SV2B: variants seen among roughly 807,000 people sequenced by gnomAD.
SV2B encodes the protein synaptic vesicle glycoprotein 2B, also known as solute carrier family 22 member B2.
A neutral mutation model predicts 73.9 loss-of-function variants in SV2B; 41 were observed. The observed-to-expected ratio is 0.56, with a 90% CI of 0.43 to 0.72. The LOEUF (loss-of-function observed/expected upper bound fraction) is 0.72. SV2B is among the 30% of genes least tolerant of loss of function. The pLI is 0.00. For synonymous variants in SV2B, 314 were observed against 314.2 expected (o/e 1.00, Z 0.01); for missense variants, 764 against 857.8 (o/e 0.89, Z 1.37).
At chr15:91,222,786 G>A (rs2046259768) in intron 1 of SV2B, among the ~76,000 whole-genome samples, 1 of 152,104 alleles carries the variant, frequency 6.6e-6, no homozygotes, top group African/African-American at 2.4e-5. Context: ...TCTGTGTAAC[G>A]GAGAGAACAA....
At position 91,224,433 on chromosome 15, in the gene SV2B, G is replaced by A. The variant is rs1187978252; in HGVS notation, c.-391-1440G>A. Among the ~76,000 whole-genome samples, 1 of 152,178 alleles carries A rather than the reference G, an allele frequency of 6.6e-6. No homozygotes were observed. Among genetic ancestry groups the A allele is most frequent in the African/African-American group, 2.4e-5 (1 of 41,442 alleles). On this transcript the variant is annotated intron_variant, in intron 1 of 12. Transcript: ENST00000394232. This position sits in a 1 kb window ranked among gnomAD's most constrained non-coding sequence, Gnocchi z 4.9. ...GGGGTGTAGGAGGGGCTGACGCCTA[G>A]CCCTGAGGGGCTACTCAGTGAGGCG... is the stretch of plus-strand genomic sequence containing the variant.
intron 1 of SV2B, among the ~76,000 whole-genome samples, chr15:91,187,834 T>C (rs977378182): frequency 6.6e-6 from 1 of 152,182 alleles, no homozygotes; most frequent in Non-Finnish European, 1.5e-5. Flanking sequence ...ACTATATTTC[T>C]TTTAAGCATG....
chr15:91,115,785 T>C lies in SV2B; in HGVS notation c.-392+15422T>C, dbSNP rs1034151867. On this transcript the variant is annotated intron_variant, in intron 1 of 12. Coordinates refer to ENST00000394232, the MANE Select transcript of SV2B (RefSeq NM_001323032.3). This position sits in a 1 kb window ranked among gnomAD's most constrained non-coding sequence, Gnocchi z 4.3. ...AATTAAACTATGCAAAATTCAAAGA[T>C]ATAATTCTCCCTAAAATGCCTTTTA... Among the ~76,000 whole-genome samples the C allele has an allele frequency of 1.3e-5, 2 of 152,178 alleles. No individual in the cohort carries two copies. Among genetic ancestry groups the C allele is most frequent in the Admixed American group, 1.3e-4 (2 of 15,276 alleles).
At chr15:91,230,097 C>T (rs1428013093) in intron 2 of SV2B, among the ~76,000 whole-genome samples, 2 of 151,896 alleles carry the variant, frequency 1.3e-5, no homozygotes, top group African/African-American at 4.8e-5. Context: ...AGAAATTAGC[C>T]AGATATGGTG....
At position 91,197,568 on chromosome 15, in the gene SV2B, A is replaced by AC. The variant is rs397948506; in HGVS notation, c.-391-28304dup. Among the ~76,000 whole-genome samples, 2 of 151,830 alleles carry AC rather than the reference A, an allele frequency of 1.3e-5. No homozygotes were observed. The highest frequency in any genetic ancestry group is 4.9e-5 in the African/African-American group (2 of 41,222). ...GAAAAAAAAAACCAAACCAAACCAA[A>AC]CAAAACAAAACAAAATCACTGTAAA... On this transcript the variant is annotated intron_variant, in intron 1 of 12. Coordinates refer to ENST00000394232, the MANE Select transcript of SV2B (RefSeq NM_001323032.3). This position sits in a 1 kb window ranked among gnomAD's most constrained non-coding sequence, Gnocchi z 4.9.
At position 91,226,560 on chromosome 15, in the gene SV2B, G is replaced by A. The variant is rs779490817; in HGVS notation, c.297G>A (p.Met99Ile). The change falls in exon 2 of 13, where the codon ATG becomes ATA. Residue 99 changes from methionine (M) to isoleucine (I), a missense_variant. Coordinates refer to ENST00000394232, the MANE Select transcript of SV2B (RefSeq NM_001323032.3). Reference sequence around the variant, plus strand: ...TGGCCCACCAGTACGAGACCATCATGGATGAGTGTGGCCATGGCCGCTTCC... The same window carrying A: ...TGGCCCACCAGTACGAGACCATCATAGATGAGTGTGGCCATGGCCGCTTCC... ...EQLAHQYETI[M>I]DECGHGRFQW... The A allele has an allele frequency of 2.7e-5, 43 of 1,614,100 alleles. No individual in the cohort carries two copies. Among genetic ancestry groups the A allele is most frequent in the Non-Finnish European group, 3.4e-5 (40 of 1,180,034 alleles).
intron 1 of SV2B, among the ~76,000 whole-genome samples, chr15:91,117,502 C>G (rs1282380523): frequency 1.3e-5 from 2 of 152,200 alleles, no homozygotes; most frequent in African/African-American, 4.8e-5. Flanking sequence ...GGGATTGGCT[C>G]TCCTTCATGC....
chr15:91,108,993 G>T (rs1046399177), intron 1 of SV2B, among the ~76,000 whole-genome samples: 1 of 152,176 alleles, frequency 6.6e-6, no homozygotes, highest in African/African-American at 2.4e-5. Flanking sequence ...GGTTGGCAGG[G>T]GAGAGAGTAG....
intron 2 of SV2B, among the ~76,000 whole-genome samples, chr15:91,233,067 C>T (rs1458277062): frequency 6.6e-6 from 1 of 152,124 alleles, no homozygotes; most frequent in African/African-American, 2.4e-5. Context: ...GTGTAGTATT[C>T]CATGGTGTAT....
chr15:91,101,003 C>T (rs1012528204), intron 1 of SV2B, among the ~76,000 whole-genome samples: 1 of 152,170 alleles, frequency 6.6e-6, no homozygotes, highest in Non-Finnish European at 1.5e-5. Flanking sequence ...CTTCGGCAGA[C>T]GGGTGGTAGA....
intron 2 of SV2B, among the ~76,000 whole-genome samples, chr15:91,249,271 G>C (rs2047386210): frequency 6.6e-6 from 1 of 152,264 alleles, no homozygotes; most frequent in East Asian, 1.9e-4. Flanking sequence ...ACTAAATTCT[G>C]TTTGTCTTTC....
In SV2B at chr15:91,192,976, A is replaced by G. The variant is rs77842193; in HGVS notation, c.-391-32897A>G. ...TGTGGCTGCTCTCATACTATGGATT[A>G]TTTTTCCAATGTTTCCTCTCTGAAA... On this transcript the variant is annotated intron_variant, in intron 1 of 12. Transcript: ENST00000394232. Among the ~76,000 whole-genome samples, 750 of 152,168 alleles carry G rather than the reference A, an allele frequency of 4.9e-3. 10 individuals carry two copies. Among genetic ancestry groups the G allele is most frequent in the African/African-American group, 0.017 (694 of 41,506 alleles).
chr15:91,153,376 C>T (rs1277476088), intron 1 of SV2B, among the ~76,000 whole-genome samples: 1 of 152,100 alleles, frequency 6.6e-6, no homozygotes, highest in Non-Finnish European at 1.5e-5. Context: ...CATTGCATCT[C>T]GGGAGCTCTG....
Position 91,297,707 on chromosome 15 carries a change from C to T in SV2B, c.*5155C>T, listed in dbSNP as rs2049300602. ...CAACCCAACCAGAAGCTCACAAAAA[C>T]TAGCAGCCTGTGAAAAATGATCACC... On this transcript the variant is annotated 3_prime_UTR_variant, in exon 13 of 13. Coordinates refer to ENST00000394232, the MANE Select transcript of SV2B (RefSeq NM_001323032.3). This position sits in a 1 kb window ranked among gnomAD's most constrained non-coding sequence, Gnocchi z 5.1. 6.6e-6 allele frequency: 1 copy of T among 152,214 alleles called. No homozygotes were observed. Among genetic ancestry groups the T allele is most frequent in the Admixed American group, 6.5e-5 (1 of 15,272 alleles). 9.4% of individuals were successfully genotyped at this position (152,214 alleles called of 1,614,324 possible).
Position 91,123,432 on chromosome 15 carries a change from TTTTA to T in SV2B, c.-392+23073_-392+23076del, listed in dbSNP as rs1188161910. Among the ~76,000 whole-genome samples, 1 of 152,188 alleles carries T rather than the reference TTTTA, an allele frequency of 6.6e-6. No homozygotes were observed. The highest frequency in any genetic ancestry group is 2.4e-5 in the African/African-American group (1 of 41,440). ...TTTATATATAACAAATATACATAAT[TTTTA>T]TTTGTCAATTAAAAGAAAGAAATAA... On this transcript the variant is annotated intron_variant, in intron 1 of 12. Coordinates refer to ENST00000394232, the MANE Select transcript of SV2B (RefSeq NM_001323032.3). This position sits in a 1 kb window ranked among gnomAD's most constrained non-coding sequence, Gnocchi z 4.7.
At chr15:91,176,768 T>A (rs537942397) in intron 1 of SV2B, among the ~76,000 whole-genome samples, 2 of 151,860 alleles carry the variant, frequency 1.3e-5, no homozygotes, top group East Asian at 3.9e-4. Context: ...TTTGTTTGAG[T>A]TCATTGTAGA....
At chr15:91,187,884 T>G (rs1457131114) in intron 1 of SV2B, among the ~76,000 whole-genome samples, 1 of 152,160 alleles carries the variant, frequency 6.6e-6, no homozygotes, top group Non-Finnish European at 1.5e-5. Context: ...AACCACATAA[T>G]TGAAATAGGC....
chr15:91,225,068 C>G (rs1320953299), intron 1 of SV2B, among the ~76,000 whole-genome samples: 1 of 152,192 alleles, frequency 6.6e-6, no homozygotes, highest in Non-Finnish European at 1.5e-5. Flanking sequence ...TATGCACAAC[C>G]TTATGAATTA....
At position 91,298,980 on chromosome 15, in the gene SV2B, C is replaced by T. The variant is rs2049342992; in HGVS notation, c.*6428C>T. ...ATTTCAATAGGGTATGAACAAAAGG[C>T]CTATAAAAATAGCTTTCCAATTCGC... On this transcript the variant is annotated 3_prime_UTR_variant, in exon 13 of 13. Coordinates refer to ENST00000394232, the MANE Select transcript of SV2B (RefSeq NM_001323032.3). The surrounding 1 kb of genome is among the most constrained non-coding windows in gnomAD (Gnocchi z 5.4). 6.6e-6 allele frequency: 1 copy of T among 152,046 alleles called. No individual in the cohort carries two copies. The highest frequency in any genetic ancestry group is 1.5e-5 in the Non-Finnish European group (1 of 67,994). The allele number at this position is 152,046 out of a possible 1,614,324, so 9.4% of individuals were successfully genotyped here. A position where few individuals can be genotyped will look rare whatever the true frequency, so the allele number is the denominator to read the frequency against.
Sources: allele counts gnomAD v4.1 joint callset (sites outside exome capture counted in the v4.1 genomes callset), GRCh38; gene constraint gnomAD v4.1.1; non-coding constraint Gnocchi (gnomAD v3.1); transcripts MANE v1.5; gene names NCBI Gene and HGNC (gene_info 2026-07-23, HGNC 2026-07-21).